Variants in CTNNA2 observed in about 807,000 individuals in gnomAD.
CTNNA2 encodes catenin alpha-2.
CTNNA2 carries 42 observed loss-of-function variants against 101.0 expected under a neutral mutation model. That is an observed-to-expected ratio of 0.42 (90% CI 0.32 to 0.54). CTNNA2 has a LOEUF of 0.54. Ranked by LOEUF, CTNNA2 falls within the 20% of genes least tolerant of loss-of-function variation. The pLI is 0.14. For synonymous variants in CTNNA2, 450 were observed against 456.4 expected (o/e 0.99, Z 0.18); for missense variants, 871 against 1,223.1 (o/e 0.71, Z 4.29).
chr2:79,685,584 C>A (rs1683877164), intron 2 of CTNNA2, among the ~76,000 whole-genome samples: 1 of 152,114 alleles, frequency 6.6e-6, no homozygotes, highest in African/African-American at 2.4e-5. Flanking sequence ...GAGTCTAGGA[C>A]AAGTGTCCTT....
At chr2:79,535,720 G>A (rs1162615115) in intron 1 of CTNNA2, among the ~76,000 whole-genome samples, 3 of 152,048 alleles carry the variant, frequency 2.0e-5, no homozygotes, top group Non-Finnish European at 2.9e-5. Context: ...TTAGCTTCCA[G>A]GGACGGGTCA....
At chr2:79,196,103 T>C (rs1160133427) in intron 1 of CTNNA2, among the ~76,000 whole-genome samples, 1 of 152,050 alleles carries the variant, frequency 6.6e-6, no homozygotes, top group Non-Finnish European at 1.5e-5. Context: ...TGCCCAGCTG[T>C]TTGTCTTTTT....
chr2:79,818,600 C>A (rs184918425), intron 3 of CTNNA2, among the ~76,000 whole-genome samples: 1 of 151,952 alleles, frequency 6.6e-6, no homozygotes, highest in Non-Finnish European at 1.5e-5. Context: ...CAGGTGTGAG[C>A]CACCAAGCCC....
intron 4 of CTNNA2, among the ~76,000 whole-genome samples, chr2:79,483,541 T>G (rs997607916): frequency 1.9e-4 from 29 of 152,146 alleles, no homozygotes; most frequent in African/African-American, 6.8e-4. Context: ...CATGGGCTGG[T>G]GGACCGAGGG....
intron 9 of CTNNA2, among the ~76,000 whole-genome samples, chr2:80,449,926 T>C (rs1421341615): frequency 8.5e-5 from 13 of 152,238 alleles, no homozygotes; most frequent in Admixed American, 7.9e-4. Context: ...GAGTTGACTA[T>C]ATTCTTGACA....
chr2:79,949,476 A>T (rs1197238958), intron 7 of CTNNA2, among the ~76,000 whole-genome samples: 1 of 152,186 alleles, frequency 6.6e-6, no homozygotes, highest in African/African-American at 2.4e-5. Flanking sequence ...TCATTTTAAA[A>T]ATGAGGAGAT....
At chr2:80,435,440 T>G (rs2149433169) in intron 9 of CTNNA2, among the ~76,000 whole-genome samples, 1 of 152,336 alleles carries the variant, frequency 6.6e-6, no homozygotes, top group East Asian at 1.9e-4. Flanking sequence ...TTACTGCTGC[T>G]TATAATCTCA....
rs895277105 is a variant in CTNNA2, at chr2:80,446,806, G to A, written c.1290+27205G>A. ...AATCTAGTAGTGTAGAAAACTAAAGGCCTGTCAGTATAAATTTTCATTTCA... is the reference window on the plus strand; with the variant it reads ...AATCTAGTAGTGTAGAAAACTAAAGACCTGTCAGTATAAATTTTCATTTCA... On this transcript the variant is annotated intron_variant, in intron 9 of 18. Transcript: ENST00000402739. 3.9e-5 allele frequency among the ~76,000 whole-genome samples: 6 copies of A among 151,976 alleles called. No individual in the cohort carries two copies. The East Asian group carries it at 5.8e-4, about 15-fold the overall frequency.
chr2:80,062,702 C>CTTT (rs70940073), intron 7 of CTNNA2, among the ~76,000 whole-genome samples: 31 of 117,498 alleles, frequency 2.6e-4, no homozygotes, highest in African/African-American at 4.9e-4. Context: ...GCACTGTGAT[C>CTTT]TTTTTTTTTT....
chr2:79,356,261 A>T (rs1677506820), intron 3 of CTNNA2, among the ~76,000 whole-genome samples: 1 of 151,924 alleles, frequency 6.6e-6, no homozygotes, highest in South Asian at 2.1e-4. Flanking sequence ...TCTTTGGAGA[A>T]ATGTTTATTT....
At chr2:80,002,582 A>C (rs563057779) in intron 7 of CTNNA2, among the ~76,000 whole-genome samples, 11 of 152,248 alleles carry the variant, frequency 7.2e-5, no homozygotes, top group African/African-American at 2.4e-4. Context: ...GGGGGCAGGG[A>C]AAGGAAGGAT....
At chr2:80,199,747 G>C (rs1707084119) in intron 7 of CTNNA2, among the ~76,000 whole-genome samples, 1 of 152,232 alleles carries the variant, frequency 6.6e-6, no homozygotes, top group Non-Finnish European at 1.5e-5. Context: ...CTGGGACAAA[G>C]TGCTGGTCAG....
At chr2:80,073,736 A>T (rs1572998901) in intron 7 of CTNNA2, among the ~76,000 whole-genome samples, 1 of 113,994 alleles carries the variant, frequency 8.8e-6, no homozygotes, top group African/African-American at 4.9e-5. Context: ...TCTGTCACAC[A>T]CACACACACA....
At chr2:79,455,451 C>G (rs1414310068) in intron 4 of CTNNA2, among the ~76,000 whole-genome samples, 3 of 152,102 alleles carry the variant, frequency 2.0e-5, no homozygotes, top group Non-Finnish European at 2.9e-5. Flanking sequence ...CGGTCCCTGT[C>G]AGGCCACCCT....
At chr2:79,194,605 C>T (rs1315965648) in intron 1 of CTNNA2, among the ~76,000 whole-genome samples, 1 of 152,182 alleles carries the variant, frequency 6.6e-6, no homozygotes, top group Non-Finnish European at 1.5e-5. Context: ...ATGCTAGTGG[C>T]TTCTCTGTAG....
rs576656802 is a variant in CTNNA2 at position 79,934,059 on chromosome 2, A to G, written c.1056+24262A>G. 9.6e-4 allele frequency among the ~76,000 whole-genome samples: 146 copies of G among 152,342 alleles called. 3 individuals are homozygous for G. The highest frequency in any genetic ancestry group is 3.4e-3 in the African/African-American group (140 of 41,582). ...ACTAAGCTGTAACTATAAACTTTGA[A>G]TATTTTATTTATGTATAAAATGAGA... On this transcript the variant is annotated intron_variant, in intron 7 of 18. Coordinates refer to ENST00000402739, the MANE Select transcript of CTNNA2 (RefSeq NM_001282597.3).
At chr2:79,952,624 A>C (rs1688963864) in intron 7 of CTNNA2, among the ~76,000 whole-genome samples, 1 of 152,254 alleles carries the variant, frequency 6.6e-6, no homozygotes, top group Admixed American at 6.5e-5. Context: ...TAAAACAATA[A>C]TACAAGAACG....
At chr2:80,098,331 A>G (rs1219538558) in intron 7 of CTNNA2, among the ~76,000 whole-genome samples, 1 of 152,186 alleles carries the variant, frequency 6.6e-6, no homozygotes, top group African/African-American at 2.4e-5. Flanking sequence ...GATATTGGTG[A>G]ACCGCAAATG....
At chr2:80,237,801 G>A (rs926628416) in intron 7 of CTNNA2, among the ~76,000 whole-genome samples, 5 of 152,140 alleles carry the variant, frequency 3.3e-5, no homozygotes, top group African/African-American at 9.7e-5. Context: ...GAAAATGAAA[G>A]GATTTGCTTT....
Sources: allele counts gnomAD v4.1 joint callset (sites outside exome capture counted in the v4.1 genomes callset), GRCh38; gene constraint gnomAD v4.1.1; transcripts MANE v1.5; gene names NCBI Gene and HGNC (gene_info 2026-07-23, HGNC 2026-07-21).